The following DDX39B variants were observed in gnomAD, a reference collection of about 807,000 sequenced individuals.
DDX39B encodes the protein spliceosome RNA helicase DDX39B.
Under a neutral mutation model 46.4 loss-of-function variants are expected in DDX39B, and 6 were observed. That is an observed-to-expected ratio of 0.13 (90% confidence interval 0.07 to 0.26). The LOEUF (loss-of-function observed/expected upper bound fraction) is 0.26. Among genes scored for constraint, DDX39B ranks in the 10% least tolerant of loss-of-function variants. The pLI, the probability that DDX39B is intolerant of heterozygous loss-of-function variation, is 1.00. For missense variants in DDX39B, 185 were observed against 553.4 expected, an observed-to-expected ratio of 0.33 and a Z score of 6.68; for synonymous variants, 174 against 199.4, an observed-to-expected ratio of 0.87 and a Z score of 1.07.
At chr6:31,537,603 C>T (rs1206645726) in intron 4 of DDX39B, among the ~76,000 whole-genome samples, 1 of 152,088 alleles carries the variant, frequency 6.6e-6, no homozygotes, top group Non-Finnish European at 1.5e-5. Flanking sequence ...CATGTTAAAA[C>T]CATTAGGTGA....
Position 31,535,062 on chromosome 6 carries a change from C to G in DDX39B, c.735+305G>C. The stretch of plus-strand genomic sequence containing the variant: ...GACGATGGATGGGTGGGTGGTAGGG[C>G]AGAAAAATCCTGCCCTCCCCCAAAG... On this transcript the variant is annotated intron_variant, in intron 6 of 10. Transcript: ENST00000396172. The surrounding 1 kb of genome is among the most constrained non-coding windows in gnomAD (Gnocchi z 4.6). 1 of 439,720 alleles carries G rather than the reference C, an allele frequency of 2.3e-6. No individual in the cohort carries two copies. Among genetic ancestry groups the G allele is most frequent in the Non-Finnish European group, 4.2e-6 (1 of 236,660 alleles). 27.2% of individuals were successfully genotyped at this position (439,720 alleles called of 1,614,324 possible).
rs1018521181 is a variant in DDX39B at position 31,537,887 on chromosome 6, A to T, written c.432+876T>A. ...CCTGTCACTACTAAAAAAAAACAAA[A>T]ATTAGCCAGGCATGATGGCACACTG... On this transcript the variant is annotated intron_variant, in intron 4 of 10. Coordinates refer to ENST00000396172, the MANE Select transcript of DDX39B (RefSeq NM_004640.7). Among the ~76,000 whole-genome samples, 4 of 151,858 alleles carry T rather than the reference A, an allele frequency of 2.6e-5. No individual in the cohort carries two copies. The East Asian group carries it at 7.8e-4, about 29-fold the overall frequency.
At chr6:31,541,598 A>C (rs1011461756) in intron 1 of DDX39B, 1 of 472,918 alleles carries the variant, frequency 2.1e-6, no homozygotes, top group African/African-American at 2.0e-5. Flanking sequence ...AAGAAAGGAC[A>C]AGGAAGGTGA....
At chr6:31,532,449 C>T (rs3093977) in intron 7 of DDX39B, 2 of 218,110 alleles carry the variant, frequency 9.2e-6, no homozygotes, top group Non-Finnish European at 1.9e-5. Context: ...CATGTTGCCC[C>T]GACTGGTCTC....
chr6:31,539,929 G>A (rs145127105), intron 2 of DDX39B, among the ~76,000 whole-genome samples: 3 of 152,340 alleles, frequency 2.0e-5, no homozygotes, highest in African/African-American at 4.8e-5. Context: ...TATCACGAAA[G>A]AAAGAATAAG....
chr6:31,530,736 G>A lies in DDX39B; in HGVS notation c.1270+43C>T. 6.3e-7 allele frequency: 1 copy of A among 1,598,298 alleles called. No homozygotes were observed. Among genetic ancestry groups the A allele is most frequent in the South Asian group, 1.1e-5 (1 of 90,750 alleles). Reference sequence around the variant, plus strand: ...ATGGGATTTCGGACAAACACACTAAGGAACAGGGAGGACCTAAAGGGTTTC... The same window carrying A: ...ATGGGATTTCGGACAAACACACTAAAGAACAGGGAGGACCTAAAGGGTTTC... On this transcript the variant is annotated intron_variant, in intron 10 of 10. Coordinates refer to ENST00000396172, the MANE Select transcript of DDX39B (RefSeq NM_004640.7). This position sits in a 1 kb window ranked among gnomAD's most constrained non-coding sequence, Gnocchi z 4.5.
Position 31,532,822 on chromosome 6 carries a change from G to A in DDX39B, c.825C>T (p.Asn275=), listed in dbSNP as rs772366100. ...YYVKLKDNEK[N]RKLFDLLDVL... Reference sequence around the variant, plus strand: ...CATCCAGAAGGTCAAAGAGCTTCCGGTTCTTCTCGTTGTCCTTCAGTTTCA... The same window carrying A: ...CATCCAGAAGGTCAAAGAGCTTCCGATTCTTCTCGTTGTCCTTCAGTTTCA... Residue 275 remains asparagine (N), a synonymous_variant, in exon 7 of 11, where the codon AAC becomes AAT. Coordinates refer to ENST00000396172, the MANE Select transcript of DDX39B (RefSeq NM_004640.7). 2 of 1,600,222 alleles carry A rather than the reference G, an allele frequency of 1.2e-6. No homozygotes were observed. The highest frequency in any genetic ancestry group is 8.5e-7 in the Non-Finnish European group (1 of 1,172,908).
At chr6:31,541,507 G>C (rs3130059) in intron 1 of DDX39B, 138,030 of 390,888 alleles carry the variant, frequency 0.35, 25,607 homozygotes, top group African/African-American at 0.5. Context: ...ATTAAGTTGG[G>C]CAAGTCAAGG....
In DDX39B at chr6:31,534,080, C is replaced by T. The variant is rs1055053969; in HGVS notation, c.736-1169G>A. ...CTGGAGTACAGTGGCACAATTACAGCTTACTGCCACCTCCACGTCCCGGGC... is the reference window on the plus strand; with the variant it reads ...CTGGAGTACAGTGGCACAATTACAGTTTACTGCCACCTCCACGTCCCGGGC... On this transcript the variant is annotated intron_variant, in intron 6 of 10. Transcript: ENST00000396172. The surrounding 1 kb of genome is among the most constrained non-coding windows in gnomAD (Gnocchi z 5.1). The T allele has an allele frequency of 2.5e-5, 4 of 162,252 alleles. No homozygotes were observed. Among genetic ancestry groups the T allele is most frequent in the Non-Finnish European group, 5.4e-5 (4 of 73,884 alleles). 10.1% of individuals were successfully genotyped at this position (162,252 alleles called of 1,614,324 possible).
At position 31,535,780 on chromosome 6, in the gene DDX39B, C is replaced by T. The variant is rs1767714060; in HGVS notation, c.617-295G>A. On this transcript the variant is annotated intron_variant, in intron 5 of 10. Transcript: ENST00000396172. The surrounding 1 kb of genome is among the most constrained non-coding windows in gnomAD (Gnocchi z 4.6). ...GGACCTTCTCCCAACCCTTTCCTGC[C>T]CAAGCCCCAGCCAGCCTTCAGCAGA... Among the ~76,000 whole-genome samples, 1 of 152,138 alleles carries T rather than the reference C, an allele frequency of 6.6e-6. No homozygotes were observed. The highest frequency in any genetic ancestry group is 6.5e-5 in the Admixed American group (1 of 15,276).
rs1263204236 is a variant in DDX39B at position 31,535,045 on chromosome 6, A to G, written c.735+322T>C. On this transcript the variant is annotated intron_variant, in intron 6 of 10. Coordinates refer to ENST00000396172, the MANE Select transcript of DDX39B (RefSeq NM_004640.7). The surrounding 1 kb of genome is among the most constrained non-coding windows in gnomAD (Gnocchi z 4.6). ...GTAGGGTGCATGTAAGAGACGATGG[A>G]TGGGTGGGTGGTAGGGCAGAAAAAT... 2.4e-6 allele frequency: 1 copy of G among 414,330 alleles called. No homozygotes were observed. The highest frequency in any genetic ancestry group is 4.5e-6 in the Non-Finnish European group (1 of 220,860). 25.7% of individuals were successfully genotyped at this position (414,330 alleles called of 1,614,324 possible).
chr6:31,541,978 G>C lies in DDX39B; in HGVS notation c.-161C>G. The C allele has an allele frequency of 1.5e-6, 1 of 675,756 alleles. No homozygotes were observed. The highest frequency in any genetic ancestry group is 2.7e-6 in the Non-Finnish European group (1 of 364,944). The allele number at this position is 675,756 out of a possible 1,614,324, so 41.9% of individuals were successfully genotyped here. On this transcript the variant is annotated 5_prime_UTR_variant, in exon 1 of 11. Transcript: ENST00000396172. ...AACAGGGAGAGCGCGTATGGCGGCA[G>C]CAACAGCGACGAAGGAGGGAAATCT... is the stretch of plus-strand genomic sequence containing the variant.
In DDX39B at chr6:31,530,372, A is replaced by G. The variant is rs1767017330; in HGVS notation, c.*62T>C. Reference sequence around the variant, plus strand: ...GGGTGGGGGCAGTAGTGTCTCCTTCACCCCCACCCTGGTGTCCTCTCCTGA... The same window carrying G: ...GGGTGGGGGCAGTAGTGTCTCCTTCGCCCCCACCCTGGTGTCCTCTCCTGA... On this transcript the variant is annotated 3_prime_UTR_variant, in exon 11 of 11. Transcript: ENST00000396172. This position sits in a 1 kb window ranked among gnomAD's most constrained non-coding sequence, Gnocchi z 4.5. 1 of 1,600,150 alleles carries G rather than the reference A, an allele frequency of 6.2e-7. No homozygotes were observed. The highest frequency in any genetic ancestry group is 1.7e-5 in the Admixed American group (1 of 59,500).
In DDX39B at chr6:31,530,555, G is replaced by C. The variant is rs1285108033; in HGVS notation, c.1271-105C>G. On this transcript the variant is annotated intron_variant, in intron 10 of 10. Transcript: ENST00000396172. This position sits in a 1 kb window ranked among gnomAD's most constrained non-coding sequence, Gnocchi z 4.5. ...CACTGGTGTACTGCCTGGGTTCAGAGGACGGACGTGGGGGTGAGGGAAGGG... is the reference window on the plus strand; with the variant it reads ...CACTGGTGTACTGCCTGGGTTCAGACGACGGACGTGGGGGTGAGGGAAGGG... 6.7e-7 allele frequency: 1 copy of C among 1,502,262 alleles called. No homozygotes were observed. Among genetic ancestry groups the C allele is most frequent in the East Asian group, 2.3e-5 (1 of 44,174 alleles). 93.1% of individuals were successfully genotyped at this position (1,502,262 alleles called of 1,614,324 possible). A position where few individuals can be genotyped will look rare whatever the true frequency, so the allele number is the denominator to read the frequency against.
In DDX39B at chr6:31,535,295, G is replaced by T; in HGVS notation, c.735+72C>A. 6.9e-7 allele frequency: 1 copy of T among 1,442,538 alleles called. No homozygotes were observed. Among genetic ancestry groups the T allele is most frequent in the Non-Finnish European group, 9.8e-7 (1 of 1,024,860 alleles). The allele number at this position is 1,442,538 out of a possible 1,614,324, so 89.4% of individuals were successfully genotyped here. ...TGGCACTTGAATGACAAGGGAGTCT[G>T]AGGAAGAGGGCGAGGAAGGGGAGGA... On this transcript the variant is annotated intron_variant, in intron 6 of 10. Coordinates refer to ENST00000396172, the MANE Select transcript of DDX39B (RefSeq NM_004640.7). This position sits in a 1 kb window ranked among gnomAD's most constrained non-coding sequence, Gnocchi z 4.6.
chr6:31,530,840 C>T lies in DDX39B; in HGVS notation c.1209G>A (p.Val403=), dbSNP rs146444400. The T allele has an allele frequency of 1.8e-4, 293 of 1,613,874 alleles. 1 individual carries two copies. The African/African-American group carries it at 3.5e-3, about 19-fold the overall frequency. Residue 403 remains valine, a synonymous_variant, in exon 10 of 11, where the codon GTG becomes GTA. Coordinates refer to ENST00000396172, the MANE Select transcript of DDX39B (RefSeq NM_004640.7). This position sits in a 1 kb window ranked among gnomAD's most constrained non-coding sequence, Gnocchi z 4.5. ...TAATATTGACCTCAAAGCGATCCTG[C>T]ACATCATTGAGGATCTTGGCATCAT... The part of the protein sequence containing the change: ...DENDAKILND[V]QDRFEVNISE...
chr6:31,537,719 C>A (rs376507991), intron 4 of DDX39B, among the ~76,000 whole-genome samples: 1 of 152,098 alleles, frequency 6.6e-6, no homozygotes, highest in Non-Finnish European at 1.5e-5. Context: ...ACTGTCACGA[C>A]GCTAATCCTA....
chr6:31,538,110 T>C (rs3130058), intron 4 of DDX39B, among the ~76,000 whole-genome samples: 128,997 of 152,178 alleles, frequency 0.85, 54,775 homozygotes, highest in East Asian at 0.93. Context: ...GGAGATACAG[T>C]ATCACCTATG....
intron 1 of DDX39B, chr6:31,541,387 G>A: frequency 8.1e-6 from 3 of 371,722 alleles, no homozygotes; most frequent in Non-Finnish European, 1.7e-5. Context: ...GCTTTAACAG[G>A]ATCTTTACCA....
Sources: allele counts gnomAD v4.1 joint callset (sites outside exome capture counted in the v4.1 genomes callset), GRCh38; gene constraint gnomAD v4.1.1; non-coding constraint Gnocchi (gnomAD v3.1); transcripts MANE v1.5; gene names NCBI Gene and HGNC (gene_info 2026-07-23, HGNC 2026-07-21).